DENND1A: variants seen among roughly 807,000 people sequenced by gnomAD.
DENND1A encodes the protein DENN domain containing 1A.
Under a neutral mutation model 113.7 loss-of-function variants are expected in DENND1A, and 51 were observed. The ratio of observed to expected loss-of-function variants is 0.45; its 90% CI spans 0.36 to 0.57. DENND1A has a LOEUF of 0.57. DENND1A is among the 20% of genes least tolerant of loss of function. The pLI, the probability that DENND1A is intolerant of heterozygous loss-of-function variation, is 0.00. For missense variants in DENND1A, 1,258 were observed against 1,395.9 expected (o/e 0.90, Z 1.57); for synonymous variants, 565 against 570.8 (o/e 0.99, Z 0.14).
chr9:123,872,532 A>G (rs1846806114), intron 2 of DENND1A, among the ~76,000 whole-genome samples: 1 of 152,228 alleles, frequency 6.6e-6, no homozygotes, highest in African/African-American at 2.4e-5. Context: ...TCACACACAC[A>G]AAAGAAGACA....
Position 123,738,875 on chromosome 9 carries a change from G to C in DENND1A, c.302+18828C>G, listed in dbSNP as rs570399151. Among the ~76,000 whole-genome samples the C allele has an allele frequency of 1.9e-4, 29 of 152,256 alleles. 1 individual carries two copies. The South Asian group carries it at 5.8e-3, about 30-fold the overall frequency. ...CAGAGCTTGAAATTGAGCAAAGTAA[G>C]AAAAGTAAATACTATGGAAAAGAAT... On this transcript the variant is annotated intron_variant, in intron 5 of 23. Transcript: ENST00000394215.
At position 123,516,089 on chromosome 9, in the gene DENND1A, G is replaced by T. The variant is rs183652850; in HGVS notation, c.993+41481C>A. 5.1e-3 allele frequency among the ~76,000 whole-genome samples: 694 copies of T among 136,896 alleles called. 3 individuals carry two copies. The highest frequency in any genetic ancestry group is 0.016 in the South Asian group (66 of 4,030). 89.8% of individuals were successfully genotyped at this position (136,896 alleles called of 152,430 possible). Reference sequence around the variant, plus strand: ...ACCCTGTCTCAATTATATATATATAGATATATATACACACACATACACACA... The same window carrying T: ...ACCCTGTCTCAATTATATATATATATATATATATACACACACATACACACA... On this transcript the variant is annotated intron_variant, in intron 13 of 23. Coordinates refer to ENST00000394215, the MANE Select transcript of DENND1A (RefSeq NM_001352964.2).
chr9:123,461,032 T>C (rs1378142606), intron 13 of DENND1A, among the ~76,000 whole-genome samples: 1 of 152,232 alleles, frequency 6.6e-6, no homozygotes, highest in East Asian at 1.9e-4. Flanking sequence ...AAGCTGACCC[T>C]GGCTTCCTTT....
At chr9:123,662,036 C>T (rs76491920) in intron 8 of DENND1A, among the ~76,000 whole-genome samples, 2,799 of 152,230 alleles carry the variant, frequency 0.018, 38 homozygotes, top group South Asian at 0.031. Context: ...TTAAATGGAA[C>T]CACCAAGTGC....
chr9:123,843,444 A>G, intron 2 of DENND1A: 1 of 303,232 alleles, frequency 3.3e-6, no homozygotes, highest in East Asian at 9.9e-5. Flanking sequence ...AGCATAGCTT[A>G]GAGTTTTCAG....
chr9:123,583,221 G>A lies in DENND1A; in HGVS notation c.815C>T (p.Thr272Ile). 6.2e-7 allele frequency: 1 copy of A among 1,612,920 alleles called. No individual in the cohort carries two copies. The change falls in exon 12 of 24, where the codon ACC becomes ATC. Residue 272 changes from threonine to isoleucine, a missense_variant. Physicochemically the swap from Thr to Ile is moderately conservative, Grantham distance 89. Around this residue, in one of 2 missense-constraint regions of DENND1A, gnomAD observed 1,159 missense variants for 1,231.7 expected, o/e 0.94. Coordinates refer to ENST00000394215, the MANE Select transcript of DENND1A (RefSeq NM_001352964.2). ...ATCGAAGGGGGTTTCCAGGGTGTTGGTGTCCACATTCAGGATCACGACATC... is the reference window on the plus strand; with the variant it reads ...ATCGAAGGGGGTTTCCAGGGTGTTGATGTCCACATTCAGGATCACGACATC... The part of the protein sequence containing the change: ...LDDVVILNVD[T>I]NTLETPFDDL...
chr9:123,738,379 T>A (rs1397954325), intron 5 of DENND1A, among the ~76,000 whole-genome samples: 1 of 151,494 alleles, frequency 6.6e-6, no homozygotes, highest in Non-Finnish European at 1.5e-5. Flanking sequence ...AATAAAAAAA[T>A]TTTTCCCAAT....
intron 4 of DENND1A, among the ~76,000 whole-genome samples, chr9:123,758,892 C>T (rs1408610149): frequency 6.6e-6 from 1 of 152,130 alleles, no homozygotes; most frequent in Non-Finnish European, 1.5e-5. Flanking sequence ...CCTCCACCTC[C>T]CTGGTTCACA....
intron 13 of DENND1A, among the ~76,000 whole-genome samples, chr9:123,482,024 G>A (rs1311859818): frequency 7.2e-5 from 11 of 151,840 alleles, no homozygotes; most frequent in South Asian, 4.2e-4. Flanking sequence ...GGCTGGTCTC[G>A]AACTCCTGGC....
intron 12 of DENND1A, among the ~76,000 whole-genome samples, chr9:123,558,488 T>G (rs1351893448): frequency 6.6e-6 from 1 of 152,170 alleles, no homozygotes; most frequent in Non-Finnish European, 1.5e-5. Flanking sequence ...GGTATATAAA[T>G]GTAAGCCACC....
intron 2 of DENND1A, among the ~76,000 whole-genome samples, chr9:123,834,643 T>C (rs1045047788): frequency 8.5e-5 from 13 of 152,200 alleles, no homozygotes; most frequent in African/African-American, 3.1e-4. Flanking sequence ...ATAAGCCCTG[T>C]ATATAGCTCT....
chr9:123,905,644 CAAG>C (rs1263737970), intron 1 of DENND1A, among the ~76,000 whole-genome samples: 1 of 149,844 alleles, frequency 6.7e-6, no homozygotes, highest in African/African-American at 2.5e-5. Context: ...ATCAATTCAA[CAAG>C]AAGAGCTAAC....
At chr9:123,910,534 A>G (rs182496104) in intron 1 of DENND1A, among the ~76,000 whole-genome samples, 2 of 152,360 alleles carry the variant, frequency 1.3e-5, no homozygotes, top group Admixed American at 1.3e-4. Flanking sequence ...AAACAAACAA[A>G]AGTATATTCA....
chr9:123,641,498 G>A (rs779979997), intron 9 of DENND1A, among the ~76,000 whole-genome samples: 1 of 151,162 alleles, frequency 6.6e-6, no homozygotes, highest in Non-Finnish European at 1.5e-5. Flanking sequence ...AATTACACCG[G>A]TGGACTGCAC....
chr9:123,930,084 T>G lies in DENND1A; in HGVS notation c.-179A>C. ...CCGCCGCCGCCTCCAGGGGTTAATG[T>G]ACTCGCTCCAGCCCGGCGAACGCCA... On this transcript the variant is annotated 5_prime_UTR_variant, in exon 1 of 24. Coordinates refer to ENST00000394215, the MANE Select transcript of DENND1A (RefSeq NM_001352964.2). The G allele has an allele frequency of 1.0e-5, 2 of 192,236 alleles. No homozygotes were observed. Among genetic ancestry groups the G allele is most frequent in the Non-Finnish European group, 2.1e-5 (2 of 96,136 alleles). 11.9% of individuals were successfully genotyped at this position (192,236 alleles called of 1,614,324 possible). A position where few individuals can be genotyped will look rare whatever the true frequency, so the allele number is the denominator to read the frequency against.
chr9:123,762,822 T>C (rs913736382), intron 4 of DENND1A, among the ~76,000 whole-genome samples: 2 of 152,198 alleles, frequency 1.3e-5, no homozygotes, highest in Non-Finnish European at 2.9e-5. Context: ...TTCTCAGGGA[T>C]GGCAACAATA....
intron 21 of DENND1A, among the ~76,000 whole-genome samples, chr9:123,390,004 T>A (rs1474965957): frequency 6.6e-6 from 1 of 152,218 alleles, no homozygotes; most frequent in African/African-American, 2.4e-5. Flanking sequence ...GCCCTGGATA[T>A]TCCCCCTCCC....
intron 9 of DENND1A, among the ~76,000 whole-genome samples, chr9:123,632,463 A>G (rs1007022000): frequency 8.5e-5 from 13 of 152,142 alleles, no homozygotes; most frequent in Non-Finnish European, 1.6e-4. Context: ...GCTGGTGTTG[A>G]GTGAGTGGAG....
In DENND1A at chr9:123,710,093, C is replaced by T. The variant is rs532638851; in HGVS notation, c.303-33304G>A. 3.3e-4 allele frequency among the ~76,000 whole-genome samples: 51 copies of T among 152,334 alleles called. No homozygotes were observed. The South Asian group carries it at 0.01, about 31-fold the overall frequency. ...TTCAAAGTTAATACTCTTTTCCTCACATCATGATGACGTCCAAATTTCCAA... is the reference window on the plus strand; with the variant it reads ...TTCAAAGTTAATACTCTTTTCCTCATATCATGATGACGTCCAAATTTCCAA... On this transcript the variant is annotated intron_variant, in intron 5 of 23. Coordinates refer to ENST00000394215, the MANE Select transcript of DENND1A (RefSeq NM_001352964.2).
Sources: allele counts gnomAD v4.1 joint callset (sites outside exome capture counted in the v4.1 genomes callset), GRCh38; gene constraint gnomAD v4.1.1; regional missense constraint gnomAD v4.1.1; transcripts MANE v1.5; gene names NCBI Gene and HGNC (gene_info 2026-07-23, HGNC 2026-07-21).